CCDC148: variants seen among roughly 807,000 people sequenced by gnomAD.
The protein encoded by CCDC148 is coiled-coil domain-containing protein 148.
Under a neutral mutation model 85.7 loss-of-function variants are expected in CCDC148, and 89 were observed. The ratio of observed to expected loss-of-function variants is 1.04; its 90% CI spans 0.87 to 1.24. The LOEUF is 1.24. CCDC148 is among the 50% of genes most tolerant of loss of function. CCDC148 has a pLI of 0.00. For missense variants in CCDC148, 692 were observed against 671.7 expected (o/e 1.03, Z -0.33); for synonymous variants, 230 against 213.9 (o/e 1.08, Z -0.66).
intron 3 of CCDC148, among the ~76,000 whole-genome samples, chr2:158,342,622 C>A (rs1213830170): frequency 2.0e-5 from 3 of 152,166 alleles, no homozygotes; most frequent in Non-Finnish European, 2.9e-5. Flanking sequence ...TTTTGATGTT[C>A]TGAGGAGACT....
At chr2:158,214,798 A>G (rs997358389) in intron 11 of CCDC148, among the ~76,000 whole-genome samples, 2 of 145,850 alleles carry the variant, frequency 1.4e-5, no homozygotes, top group Non-Finnish European at 3.0e-5. Context: ...TCCTCCCCAG[A>G]AAAAAAAAAA....
intron 11 of CCDC148, among the ~76,000 whole-genome samples, chr2:158,206,073 T>C (rs1437275655): frequency 1.3e-5 from 2 of 152,148 alleles, no homozygotes; most frequent in Admixed American, 6.6e-5. Context: ...GTAGGCATTG[T>C]AGTGAGTGTT....
At chr2:158,240,241 C>T (rs1688290754) in intron 10 of CCDC148, among the ~76,000 whole-genome samples, 1 of 151,786 alleles carries the variant, frequency 6.6e-6, no homozygotes, top group Non-Finnish European at 1.5e-5. Context: ...TCCATATTCT[C>T]AGGTTTACAA....
intron 1 of CCDC148, among the ~76,000 whole-genome samples, chr2:158,446,459 A>G (rs2105346959): frequency 6.6e-6 from 1 of 152,216 alleles, no homozygotes; most frequent in African/African-American, 2.4e-5. Context: ...TTCCTCACAA[A>G]GTTTTTTTTT....
chr2:158,432,081 A>T (rs1687380610), intron 1 of CCDC148, among the ~76,000 whole-genome samples: 3 of 152,208 alleles, frequency 2.0e-5, no homozygotes, highest in African/African-American at 7.2e-5. Context: ...GATAAAACAT[A>T]ATTTAAGATA....
At chr2:158,215,367 T>C (rs1186094864) in intron 11 of CCDC148, among the ~76,000 whole-genome samples, 1 of 152,176 alleles carries the variant, frequency 6.6e-6, no homozygotes, top group Non-Finnish European at 1.5e-5. Flanking sequence ...TTGAAGTTTG[T>C]GCTCTACAAA....
At chr2:158,335,248 T>C (rs1682311343) in intron 7 of CCDC148, among the ~76,000 whole-genome samples, 1 of 152,194 alleles carries the variant, frequency 6.6e-6, no homozygotes, top group South Asian at 2.1e-4. Context: ...GAAGAAAAGA[T>C]ACTGCTTTTC....
At chr2:158,402,034 T>C (rs1433955294) in intron 1 of CCDC148, among the ~76,000 whole-genome samples, 1 of 151,942 alleles carries the variant, frequency 6.6e-6, no homozygotes, top group Non-Finnish European at 1.5e-5. Flanking sequence ...AACAACTGAG[T>C]TGTGTATTTA....
chr2:158,262,857 T>C (rs1332412907), intron 9 of CCDC148, among the ~76,000 whole-genome samples: 2 of 151,914 alleles, frequency 1.3e-5, no homozygotes, highest in African/African-American at 2.4e-5. Context: ...ACAAACCATA[T>C]GAACCTAAAA....
intron 9 of CCDC148, among the ~76,000 whole-genome samples, chr2:158,270,075 G>C (rs528008233): frequency 1.3e-5 from 2 of 152,166 alleles, no homozygotes; most frequent in Non-Finnish European, 1.5e-5. Flanking sequence ...TGGCTAAACT[G>C]TTGGATTTTT....
intron 1 of CCDC148, among the ~76,000 whole-genome samples, chr2:158,445,441 G>A (rs917015312): frequency 2.0e-5 from 3 of 152,160 alleles, no homozygotes; most frequent in African/African-American, 7.2e-5. Flanking sequence ...AATGATCACT[G>A]TCTCTGATAA....
At chr2:158,188,677 GC>G (rs1413456016) in intron 11 of CCDC148, among the ~76,000 whole-genome samples, 2 of 151,784 alleles carry the variant, frequency 1.3e-5, no homozygotes, top group African/African-American at 4.8e-5. Context: ...CTATACATTG[GC>G]CTAGGCAAAG....
intron 1 of CCDC148, among the ~76,000 whole-genome samples, chr2:158,406,197 G>C (rs986069880): frequency 2.0e-5 from 3 of 152,140 alleles, no homozygotes; most frequent in African/African-American, 7.2e-5. Flanking sequence ...TATTGTAGGG[G>C]CTCTGGCTTG....
chr2:158,382,983 C>T (rs1239379389), intron 1 of CCDC148, among the ~76,000 whole-genome samples: 1 of 151,494 alleles, frequency 6.6e-6, no homozygotes, highest in Non-Finnish European at 1.5e-5. Context: ...CACAGTTTTA[C>T]ACGTAAAAAA....
chr2:158,374,882 C>T (rs569266430), intron 1 of CCDC148, among the ~76,000 whole-genome samples: 1 of 149,660 alleles, frequency 6.7e-6, no homozygotes, highest in East Asian at 2.0e-4. Context: ...AACCTAGGCA[C>T]ATCCTCCTGT....
intron 9 of CCDC148, among the ~76,000 whole-genome samples, chr2:158,281,539 A>C (rs990522970): frequency 1.1e-4 from 16 of 152,258 alleles, no homozygotes; most frequent in South Asian, 4.1e-4. Flanking sequence ...GAAATGGATA[A>C]ATTCCTCGAC....
At chr2:158,313,627 T>C (rs562757810) in intron 8 of CCDC148, 129 bp downstream of exon 8, 18 of 951,182 alleles carry the variant, frequency 1.9e-5, no homozygotes, top group Middle Eastern at 2.7e-4. Context: ...TATATAACCC[T>C]ATTATTTTCT....
At chr2:158,430,711 G>C (rs1393987452) in intron 1 of CCDC148, among the ~76,000 whole-genome samples, 1 of 152,034 alleles carries the variant, frequency 6.6e-6, no homozygotes, top group East Asian at 1.9e-4. Flanking sequence ...ATTATCACAT[G>C]TACCCTGAAA....
intron 7 of CCDC148, among the ~76,000 whole-genome samples, chr2:158,337,034 T>A (rs756561130): frequency 6.6e-6 from 1 of 152,190 alleles, no homozygotes; most frequent in Admixed American, 6.6e-5. Flanking sequence ...TCTTCAGTAA[T>A]TTTAATGTAG....
Sources: allele counts gnomAD v4.1 joint callset (sites outside exome capture counted in the v4.1 genomes callset), GRCh38; gene constraint gnomAD v4.1.1; transcripts MANE v1.5; gene names NCBI Gene and HGNC (gene_info 2026-07-23, HGNC 2026-07-21).